The following GULP1 variants were observed in gnomAD, a reference collection of about 807,000 sequenced individuals.
The protein encoded by GULP1 is GULP PTB domain containing engulfment adaptor 1.
GULP1 carries 19 observed loss-of-function variants against 40.9 expected under a neutral mutation model. The observed-to-expected ratio is 0.46, with a 90% confidence interval of 0.32 to 0.68. The LOEUF is 0.68. GULP1 is among the 30% of genes least tolerant of loss of function. The pLI, the probability that GULP1 is intolerant of heterozygous loss-of-function variation, is 0.03. For missense variants in GULP1, 312 were observed against 362.2 expected (o/e 0.86, Z 1.12); for synonymous variants, 119 against 117.6 (o/e 1.01, Z -0.08).
chr2:188,508,438 G>T (rs1036783963), intron 4 of GULP1, among the ~76,000 whole-genome samples: 2 of 152,058 alleles, frequency 1.3e-5, no homozygotes, highest in Admixed American at 1.3e-4. Context: ...GGGGAAGAGA[G>T]AATTAGGCTG....
At chr2:188,457,040 T>C (rs896049852) in intron 2 of GULP1, among the ~76,000 whole-genome samples, 24 of 152,174 alleles carry the variant, frequency 1.6e-4, no homozygotes, top group African/African-American at 4.3e-4. Flanking sequence ...AATGGCTGCA[T>C]GTACCCAATA....
At chr2:188,467,396 C>A (rs1301522410) in intron 2 of GULP1, among the ~76,000 whole-genome samples, 2 of 152,074 alleles carry the variant, frequency 1.3e-5, no homozygotes, top group Non-Finnish European at 2.9e-5. Flanking sequence ...ATTCTCTGAA[C>A]TTTCTCTCCA....
intron 2 of GULP1, among the ~76,000 whole-genome samples, chr2:188,393,895 C>T (rs2050863530): frequency 6.6e-6 from 1 of 152,160 alleles, no homozygotes; most frequent in Admixed American, 6.5e-5. Context: ...AGTCTGCTGT[C>T]AGTTTGACAG....
chr2:188,344,034 C>G (rs1347558880), intron 1 of GULP1, among the ~76,000 whole-genome samples: 1 of 152,116 alleles, frequency 6.6e-6, no homozygotes, highest in Non-Finnish European at 1.5e-5. Flanking sequence ...GCCTCGAACT[C>G]CCGACCTCAA....
At chr2:188,513,897 A>T (rs1176167455) in intron 4 of GULP1, among the ~76,000 whole-genome samples, 1 of 152,134 alleles carries the variant, frequency 6.6e-6, no homozygotes, top group Non-Finnish European at 1.5e-5. Flanking sequence ...AAAAAATATC[A>T]GTTCCCAGAC....
intron 1 of GULP1, among the ~76,000 whole-genome samples, chr2:188,313,161 T>C (rs1461567200): frequency 6.6e-6 from 1 of 152,212 alleles, no homozygotes. Flanking sequence ...TTGTTGCAAT[T>C]GCTTTTGACG....
chr2:188,579,585 T>C (rs997320380), intron 9 of GULP1, among the ~76,000 whole-genome samples: 8 of 152,136 alleles, frequency 5.3e-5, no homozygotes, highest in Non-Finnish European at 1.2e-4. Context: ...AAACAAAAAC[T>C]GCCAAATTGC....
chr2:188,378,046 A>T (rs1296899857), intron 1 of GULP1, among the ~76,000 whole-genome samples: 2 of 152,136 alleles, frequency 1.3e-5, no homozygotes, highest in Non-Finnish European at 2.9e-5. Context: ...TAACAGATAA[A>T]ATATATACAT....
intron 2 of GULP1, among the ~76,000 whole-genome samples, chr2:188,397,275 G>A (rs548262383): frequency 6.6e-6 from 1 of 152,210 alleles, no homozygotes; most frequent in South Asian, 2.1e-4. Flanking sequence ...CTATGAGTAG[G>A]TACGTTTTTT....
chr2:188,331,325 G>T (rs1046171190), intron 1 of GULP1, among the ~76,000 whole-genome samples: 4 of 152,136 alleles, frequency 2.6e-5, no homozygotes, highest in African/African-American at 9.7e-5. Flanking sequence ...AACTGGGATG[G>T]TAATCCATTC....
chr2:188,354,586 G>A (rs61260084), intron 1 of GULP1, among the ~76,000 whole-genome samples: 2,076 of 152,176 alleles, frequency 0.014, 39 homozygotes, highest in African/African-American at 0.047. Flanking sequence ...CTGAATAACT[G>A]CACCCTGGAA....
chr2:188,419,512 T>A (rs1244220037), intron 2 of GULP1, among the ~76,000 whole-genome samples: 1 of 152,046 alleles, frequency 6.6e-6, no homozygotes, highest in Non-Finnish European at 1.5e-5. Flanking sequence ...TTGGAAAAAA[T>A]GTCTATTCAG....
intron 6 of GULP1, among the ~76,000 whole-genome samples, chr2:188,536,776 T>G (rs1689049144): frequency 6.6e-6 from 1 of 152,188 alleles, no homozygotes; most frequent in Non-Finnish European, 1.5e-5. Flanking sequence ...TTGGGCAATA[T>G]GGTCATTTTA....
intron 2 of GULP1, among the ~76,000 whole-genome samples, chr2:188,431,365 T>C (rs560584042): frequency 6.6e-6 from 1 of 151,484 alleles, no homozygotes; most frequent in Non-Finnish European, 1.5e-5. Context: ...GAAAAAAAAA[T>C]GTTGAAGAAG....
intron 1 of GULP1, among the ~76,000 whole-genome samples, chr2:188,297,197 A>G (rs2035151209): frequency 2.0e-5 from 3 of 150,302 alleles, no homozygotes; most frequent in South Asian, 4.2e-4. Context: ...TTAGACTTCT[A>G]TTTATACCTC....
chr2:188,378,328 C>CA (rs1416537703), intron 1 of GULP1, among the ~76,000 whole-genome samples: 1 of 147,582 alleles, frequency 6.8e-6, no homozygotes, highest in South Asian at 2.2e-4. Context: ...TTACAATGGG[C>CA]AAAAAAAATT....
rs531828765 is a variant in GULP1, at chr2:188,318,903, T to C, written c.-172+26737T>C. ...CCACCTCAATAGAGGCTCCTACCAT[T>C]GTCATGCCTTTGATTTCTTTCCTGG... On this transcript the variant is annotated intron_variant, in intron 1 of 11. Coordinates refer to ENST00000409830, the MANE Select transcript of GULP1 (RefSeq NM_016315.4). Among the ~76,000 whole-genome samples the C allele has an allele frequency of 1.9e-4, 29 of 152,300 alleles. 1 individual carries two copies. The South Asian group carries it at 6.0e-3, about 32-fold the overall frequency.
intron 1 of GULP1, among the ~76,000 whole-genome samples, chr2:188,345,581 T>C (rs1411580853): frequency 6.6e-6 from 1 of 152,158 alleles, no homozygotes; most frequent in African/African-American, 2.4e-5. Flanking sequence ...TTGAAAATAG[T>C]TTTAGCTGGG....
chr2:188,436,796 C>G (rs963418905), intron 2 of GULP1, among the ~76,000 whole-genome samples: 8 of 151,972 alleles, frequency 5.3e-5, no homozygotes, highest in African/African-American at 1.7e-4. Flanking sequence ...GGCACATGCT[C>G]AAACATTTTT....
Sources: allele counts gnomAD v4.1 joint callset (sites outside exome capture counted in the v4.1 genomes callset), GRCh38; gene constraint gnomAD v4.1.1; transcripts MANE v1.5; gene names NCBI Gene and HGNC (gene_info 2026-07-23, HGNC 2026-07-21).